Variants in ESRRB observed in about 807,000 individuals in gnomAD.
ESRRB encodes estrogen related receptor beta, also known as steroid hormone receptor ERR2.
In ESRRB, 16 loss-of-function variants were observed where a neutral mutation model predicts 46.0. That is an observed-to-expected ratio of 0.35 (90% CI 0.24 to 0.53). The LOEUF is 0.53. ESRRB is among the 20% of genes least tolerant of loss of function. The probability of loss-of-function intolerance (pLI) is 0.93; values close to 1 mark genes in which losing one functional copy is unlikely to be tolerated. For synonymous variants in ESRRB, 246 were observed against 259.6 expected (o/e 0.95, Z 0.50); for missense variants, 488 against 607.4 (o/e 0.80, Z 2.07).
chr14:76,466,078 A>T (rs558978124), intron 3 of ESRRB, among the ~76,000 whole-genome samples: 1 of 152,072 alleles, frequency 6.6e-6, no homozygotes, highest in Non-Finnish European at 1.5e-5. Flanking sequence ...GCGTGGGCTC[A>T]TCGCCCACCT....
intron 1 of ESRRB, among the ~76,000 whole-genome samples, chr14:76,422,510 C>T (rs1245516637): frequency 4.6e-5 from 7 of 152,074 alleles, no homozygotes; most frequent in African/African-American, 7.2e-5. Flanking sequence ...CACACCCGGC[C>T]GACATTTCCT....
At chr14:76,427,192 C>A (rs1400094656) in intron 1 of ESRRB, among the ~76,000 whole-genome samples, 1 of 152,188 alleles carries the variant, frequency 6.6e-6, no homozygotes, top group Non-Finnish European at 1.5e-5. Context: ...GCCTCTGTCC[C>A]TGGAGAGGCA....
intron 1 of ESRRB, among the ~76,000 whole-genome samples, chr14:76,434,027 C>A (rs148617825): frequency 7.4e-5 from 11 of 148,794 alleles, no homozygotes; most frequent in Non-Finnish European, 1.5e-4. Context: ...GGCACAATCT[C>A]GGCTCACTGC....
At chr14:76,420,640 G>T (rs1886914280) in intron 1 of ESRRB, among the ~76,000 whole-genome samples, 3 of 75,058 alleles carry the variant, frequency 4.0e-5, no homozygotes, top group Non-Finnish European at 2.4e-5. Context: ...ACACATTTAG[G>T]TCAGTGCACT....
At chr14:76,349,217 G>A (rs573780947) in intron 1 of ESRRB, among the ~76,000 whole-genome samples, 20 of 152,288 alleles carry the variant, frequency 1.3e-4, no homozygotes, top group African/African-American at 4.6e-4. Flanking sequence ...CTGCTATGGC[G>A]GGAGACAGCT....
intron 1 of ESRRB, among the ~76,000 whole-genome samples, chr14:76,386,340 C>T (rs548531952): frequency 4.6e-5 from 7 of 152,200 alleles, no homozygotes; most frequent in African/African-American, 1.4e-4. Flanking sequence ...AATCTGGCAA[C>T]CCTATCTACC....
At chr14:76,402,308 G>T (rs1885978333) in intron 1 of ESRRB, among the ~76,000 whole-genome samples, 1 of 152,208 alleles carries the variant, frequency 6.6e-6, no homozygotes, top group South Asian at 2.1e-4. Flanking sequence ...ATGAGTTTGG[G>T]AGATTCTTGT....
intron 1 of ESRRB, among the ~76,000 whole-genome samples, chr14:76,400,841 A>G (rs919532877): frequency 6.6e-6 from 1 of 152,104 alleles, no homozygotes; most frequent in African/African-American, 2.4e-5. Flanking sequence ...TCCTCTTCCC[A>G]TTGGTGCTCT....
chr14:76,371,114 C>T (rs1380293433), upstream of ESRRB, among the ~76,000 whole-genome samples: 1 of 152,196 alleles, frequency 6.6e-6, no homozygotes, highest in African/African-American at 2.4e-5. Flanking sequence ...GGACATGAGC[C>T]TTCTTGCCCC....
At chr14:76,397,822 C>G (rs537547996) in intron 1 of ESRRB, among the ~76,000 whole-genome samples, 2 of 152,168 alleles carry the variant, frequency 1.3e-5, no homozygotes, top group Admixed American at 1.3e-4. Flanking sequence ...AGGTTTGATA[C>G]TCAGAAATGC....
intron 3 of ESRRB, among the ~76,000 whole-genome samples, chr14:76,471,037 T>C (rs1356750945): frequency 6.6e-6 from 1 of 152,212 alleles, no homozygotes; most frequent in African/African-American, 2.4e-5. Flanking sequence ...ACATCACAGA[T>C]TAAACATGTC....
intron 1 of ESRRB, among the ~76,000 whole-genome samples, chr14:76,316,478 TG>T (rs1883801387): frequency 1.3e-5 from 1 of 78,068 alleles, no homozygotes; most frequent in Non-Finnish European, 3.5e-5. Context: ...TCTCCCTTTT[TG>T]CCTCATTATT....
At chr14:76,430,068 A>T (rs1007207428) in intron 1 of ESRRB, among the ~76,000 whole-genome samples, 2 of 151,908 alleles carry the variant, frequency 1.3e-5, no homozygotes, top group African/African-American at 4.8e-5. Flanking sequence ...ATGAATCCAT[A>T]TTCAACAGGA....
chr14:76,468,596 G>A (rs570487487), intron 3 of ESRRB, among the ~76,000 whole-genome samples: 1 of 152,146 alleles, frequency 6.6e-6, no homozygotes, highest in African/African-American at 2.4e-5. Flanking sequence ...TTTGGATAAC[G>A]GTACGGTGGT....
chr14:76,423,804 G>A (rs1239434671), intron 1 of ESRRB, among the ~76,000 whole-genome samples: 3 of 152,154 alleles, frequency 2.0e-5, no homozygotes, highest in African/African-American at 2.4e-5. Flanking sequence ...CATCATATAC[G>A]GGGAGCAAAG....
At chr14:76,419,266 C>T (rs547237115) in intron 1 of ESRRB, among the ~76,000 whole-genome samples, 5 of 152,260 alleles carry the variant, frequency 3.3e-5, no homozygotes, top group East Asian at 3.9e-4. Flanking sequence ...CTTCCTGCCT[C>T]GGTCTCCCAA....
chr14:76,443,413 C>T lies in ESRRB; in HGVS notation c.460+3663C>T, dbSNP rs529875128. Among the ~76,000 whole-genome samples the T allele has an allele frequency of 3.9e-5, 6 of 152,312 alleles. No homozygotes were observed. The East Asian group carries it at 1.2e-3, about 29-fold the overall frequency. On this transcript the variant is annotated intron_variant, in intron 2 of 6. Coordinates refer to ENST00000644823, the MANE Select transcript of ESRRB (RefSeq NM_001379180.1). ...CCCTGGGATCTCTGTATTTGAAAAGCACTGCATGGTGATGCTGTCTCTTGC... is the reference window on the plus strand; with the variant it reads ...CCCTGGGATCTCTGTATTTGAAAAGTACTGCATGGTGATGCTGTCTCTTGC...
intron 1 of ESRRB, among the ~76,000 whole-genome samples, chr14:76,333,856 A>G (rs1884093798): frequency 6.6e-6 from 1 of 152,070 alleles, no homozygotes; most frequent in African/African-American, 2.4e-5. Context: ...CTCAGTGTCA[A>G]CTGCGGCCCT....
exon 1 of ESRRB, chr14:76,376,117 CAGTAGGGTTAGTGGGCTCCA>C (rs1042373754): frequency 3.3e-5 from 10 of 299,894 alleles, no homozygotes; most frequent in Admixed American, 1.5e-4. The surrounding 1 kb of genome is among the most constrained non-coding windows in gnomAD (Gnocchi z 4.1). Context: ...CTTAAAGCTA[CAGTAGGGTTAGTGGGCTCCA>C]AGTCTCTTGT....
Sources: allele counts gnomAD v4.1 joint callset (sites outside exome capture counted in the v4.1 genomes callset), GRCh38; gene constraint gnomAD v4.1.1; non-coding constraint Gnocchi (gnomAD v3.1); transcripts MANE v1.5; gene names NCBI Gene and HGNC (gene_info 2026-07-23, HGNC 2026-07-21).